The following DIP2C variants were observed in gnomAD, a reference collection of about 807,000 sequenced individuals.
DIP2C encodes the protein disco-interacting protein 2 homolog C.
In DIP2C, 33 loss-of-function variants were observed where a neutral mutation model predicts 192.4. The ratio of observed to expected loss-of-function variants is 0.17; its 90% confidence interval spans 0.13 to 0.23. DIP2C has a LOEUF of 0.23. Ranked by LOEUF, DIP2C falls within the 10% of genes least tolerant of loss-of-function variation. The pLI is 1.00. For missense variants in DIP2C, 1,537 were observed against 2,110.1 expected (o/e 0.73, Z 5.32); for synonymous variants, 979 against 864.1 (o/e 1.13, Z -2.33).
intron 1 of DIP2C, among the ~76,000 whole-genome samples, chr10:508,274 C>A (rs1845768708): frequency 6.6e-6 from 1 of 152,178 alleles, no homozygotes. Context: ...GCCCCTCACC[C>A]ACTCCAGAGC....
chr10:435,828 T>C (rs2133239172), intron 4 of DIP2C, among the ~76,000 whole-genome samples: 1 of 152,176 alleles, frequency 6.6e-6, no homozygotes, highest in Middle Eastern at 3.4e-3. Context: ...CACATTTTAA[T>C]TTGATTCCCG....
At chr10:472,319 C>T (rs1448195015) in intron 3 of DIP2C, 120 bp downstream of exon 3, 21 of 801,106 alleles carry the variant, frequency 2.6e-5, no homozygotes, top group Admixed American at 4.9e-5. Flanking sequence ...AAGCTGGAGG[C>T]CCCTCGCGTG....
chr10:563,207 G>A (rs1588468454), intron 1 of DIP2C, among the ~76,000 whole-genome samples: 1 of 152,256 alleles, frequency 6.6e-6, no homozygotes, highest in East Asian at 1.9e-4. Context: ...GTGCCCTGCA[G>A]GCGGGCTTGG....
At chr10:516,945 A>G (rs1786470305) in intron 1 of DIP2C, among the ~76,000 whole-genome samples, 1 of 150,442 alleles carries the variant, frequency 6.6e-6, no homozygotes, top group African/African-American at 2.5e-5. Context: ...GGCCATCATC[A>G]GCCAGGAGAG....
chr10:531,698 G>A lies in DIP2C; in HGVS notation c.86-45168C>T, dbSNP rs939314236. On this transcript the variant is annotated intron_variant, in intron 1 of 36. Coordinates refer to ENST00000280886, the MANE Select transcript of DIP2C (RefSeq NM_014974.3). ...GAATTCTTGGCCTGTCCTGGGGTGTGGGGAAATCAGGATGCAAGCAGATAT... is the reference window on the plus strand; with the variant it reads ...GAATTCTTGGCCTGTCCTGGGGTGTAGGGAAATCAGGATGCAAGCAGATAT... 2.0e-5 allele frequency among the ~76,000 whole-genome samples: 3 copies of A among 152,068 alleles called. No homozygotes were observed. In the South Asian group the frequency reaches 6.2e-4, roughly 32 times the overall value.
chr10:647,064 A>G (rs1204921002), intron 1 of DIP2C, among the ~76,000 whole-genome samples: 1 of 152,256 alleles, frequency 6.6e-6, no homozygotes, highest in Non-Finnish European at 1.5e-5. Context: ...ACAGAGGGAA[A>G]CTGAGTCCAC....
intron 3 of DIP2C, among the ~76,000 whole-genome samples, chr10:467,751 A>G (rs1395676426): frequency 1.3e-5 from 2 of 152,042 alleles, no homozygotes; most frequent in Non-Finnish European, 2.9e-5. Flanking sequence ...GGAGTTGAAC[A>G]ATGAGAACAC....
At chr10:430,485 C>A (rs921385435) in intron 4 of DIP2C, 5 of 152,260 alleles carry the variant, frequency 3.3e-5, no homozygotes, top group Non-Finnish European at 5.9e-5. Context: ...AGACTACAGG[C>A]ACATGCCATC....
intron 14 of DIP2C, among the ~76,000 whole-genome samples, chr10:385,419 G>C (rs1962810115): frequency 6.6e-6 from 1 of 152,222 alleles, no homozygotes; most frequent in South Asian, 2.1e-4. Flanking sequence ...ATCTTTTTAA[G>C]ACGAAACCTT....
At chr10:404,633 A>AT (rs1213003603) in intron 9 of DIP2C, among the ~76,000 whole-genome samples, 2 of 152,250 alleles carry the variant, frequency 1.3e-5, no homozygotes, top group African/African-American at 4.8e-5. Context: ...ACATAAAAGC[A>AT]TCCAGATGGT....
chr10:642,857 C>T (rs1486251507), intron 1 of DIP2C, among the ~76,000 whole-genome samples: 1 of 152,236 alleles, frequency 6.6e-6, no homozygotes, highest in African/African-American at 2.4e-5. Context: ...TCCTCATATC[C>T]ACTGAGTGGT....
chr10:494,064 C>T (rs1442421868), intron 1 of DIP2C, among the ~76,000 whole-genome samples: 1 of 152,210 alleles, frequency 6.6e-6, no homozygotes, highest in African/African-American at 2.4e-5. Flanking sequence ...CACGCTGGAC[C>T]ACCCCGAGGT....
At chr10:618,796 T>TCC (rs1456407173) in intron 1 of DIP2C, among the ~76,000 whole-genome samples, 2 of 152,160 alleles carry the variant, frequency 1.3e-5, no homozygotes, top group African/African-American at 4.8e-5. Context: ...ACCAGAGCCC[T>TCC]CCCGCACTGC....
rs1965588391 is a variant in DIP2C, at chr10:415,759, G to C, written c.859+10C>G. 1 of 1,613,800 alleles carries C rather than the reference G, an allele frequency of 6.2e-7. No homozygotes were observed. The highest frequency in any genetic ancestry group is 1.3e-5 in the African/African-American group (1 of 74,906). On this transcript the variant is annotated intron_variant, in intron 7 of 36. Coordinates refer to ENST00000280886, the MANE Select transcript of DIP2C (RefSeq NM_014974.3). ...ATCTGGAAGAAACGTGTGGTAAAGA[G>C]TTCTCTCACCTTCTAATAATTCTTC...
chr10:324,921 A>G (rs1299702158), intron 31 of DIP2C: 2 of 532,352 alleles, frequency 3.8e-6, no homozygotes, highest in South Asian at 2.8e-5. Context: ...TTCTTTTTTC[A>G]CGTATTTTAT....
chr10:486,400 C>A lies in DIP2C; in HGVS notation c.157+59G>T. Reference sequence around the variant, plus strand: ...GGAGCGTCTGCCTCCAGATGTTTCTCTGGCACATAGTGAATGCGGGAAATG... The same window carrying A: ...GGAGCGTCTGCCTCCAGATGTTTCTATGGCACATAGTGAATGCGGGAAATG... On this transcript the variant is annotated intron_variant, in intron 2 of 36. Coordinates refer to ENST00000280886, the MANE Select transcript of DIP2C (RefSeq NM_014974.3). The A allele has an allele frequency of 6.8e-6, 10 of 1,467,280 alleles. 1 individual carries two copies. In the South Asian group the frequency reaches 1.4e-4, roughly 20 times the overall value. The allele number at this position is 1,467,280 out of a possible 1,614,324, so 90.9% of individuals were successfully genotyped here.
At chr10:518,577 CTG>C (rs1467229676) in intron 1 of DIP2C, among the ~76,000 whole-genome samples, 1 of 152,228 alleles carries the variant, frequency 6.6e-6, no homozygotes, top group African/African-American at 2.4e-5. Context: ...TGCCCTCCCA[CTG>C]TGTCAGGGCC....
intron 1 of DIP2C, among the ~76,000 whole-genome samples, chr10:507,543 G>A (rs1334740200): frequency 6.6e-6 from 1 of 152,104 alleles, no homozygotes; most frequent in African/African-American, 2.4e-5. Flanking sequence ...CCAATCAGAG[G>A]CGTGCGAGGT....
intron 31 of DIP2C, chr10:311,657 C>A: frequency 9.0e-7 from 1 of 1,112,558 alleles, no homozygotes; most frequent in Non-Finnish European, 1.1e-6. Flanking sequence ...CACATACGAC[C>A]CGACAGTGAA....
Sources: allele counts gnomAD v4.1 joint callset (sites outside exome capture counted in the v4.1 genomes callset), GRCh38; gene constraint gnomAD v4.1.1; transcripts MANE v1.5; gene names NCBI Gene and HGNC (gene_info 2026-07-23, HGNC 2026-07-21).